DAPK1: variants seen among roughly 807,000 people sequenced by gnomAD.
The protein encoded by DAPK1 is death associated protein kinase 1.
Under a neutral mutation model 144.9 loss-of-function variants are expected in DAPK1, and 56 were observed. That is an observed-to-expected ratio of 0.39 (90% CI 0.31 to 0.48). DAPK1 has a LOEUF of 0.48. Among genes scored for constraint, DAPK1 ranks in the 20% least tolerant of loss-of-function variants. DAPK1 has a pLI of 0.95. For synonymous variants in DAPK1, 690 were observed against 749.0 expected, an observed-to-expected ratio of 0.92 and a Z score of 1.29; for missense variants, 1,454 against 1,875.4, an observed-to-expected ratio of 0.78 and a Z score of 4.15.
chr9:87,546,737 C>T (rs769432632), intron 2 of DAPK1, among the ~76,000 whole-genome samples: 1 of 152,176 alleles, frequency 6.6e-6, no homozygotes, highest in African/African-American at 2.4e-5. Context: ...TCTTGTATTC[C>T]GTTCTCCCTC....
At chr9:87,665,575 G>A (rs761839091) in intron 18 of DAPK1, among the ~76,000 whole-genome samples, 6 of 152,154 alleles carry the variant, frequency 3.9e-5, no homozygotes, top group East Asian at 1.9e-4. Context: ...GTTCCTTTGC[G>A]AAGCATATTA....
In DAPK1 at chr9:87,647,299, C is replaced by T; in HGVS notation, c.1231-6C>T. ...GAAATGTGACCCCAGGTTGATTTTC[C>T]TGCAGGGCGGGTCCAATGCCGTCTA... On this transcript the variant is annotated splice_region_variant and splice_polypyrimidine_tract_variant and intron_variant, in intron 13 of 25. Transcript: ENST00000408954. 1 of 1,613,682 alleles carries T rather than the reference C, an allele frequency of 6.2e-7. No individual in the cohort carries two copies. Among genetic ancestry groups the T allele is most frequent in the Non-Finnish European group, 8.5e-7 (1 of 1,179,658 alleles).
chr9:87,657,020 A>G (rs537972931), intron 17 of DAPK1, among the ~76,000 whole-genome samples: 2 of 152,328 alleles, frequency 1.3e-5, no homozygotes, highest in African/African-American at 4.8e-5. Flanking sequence ...ACTTTATAAC[A>G]AAAACTGATA....
intron 2 of DAPK1, among the ~76,000 whole-genome samples, chr9:87,514,344 C>T (rs868387431): frequency 2.0e-4 from 30 of 152,280 alleles, no homozygotes; most frequent in African/African-American, 5.1e-4. Context: ...CCCAGGAGTG[C>T]GTAGTTTCCT....
intron 18 of DAPK1, among the ~76,000 whole-genome samples, chr9:87,661,092 C>T (rs1488370689): frequency 6.6e-6 from 1 of 152,244 alleles, no homozygotes; most frequent in East Asian, 1.9e-4. Context: ...CCCACCTTGG[C>T]CTCCCAAAGT....
chr9:87,646,317 C>G, intron 12 of DAPK1, 144 bp from the exon 13 acceptor site: 3 of 668,510 alleles, frequency 4.5e-6, no homozygotes, highest in Non-Finnish European at 7.7e-6. Flanking sequence ...TTATACCCTT[C>G]CACCTGTCTT....
chr9:87,628,702 A>T (rs1829564810), intron 3 of DAPK1, among the ~76,000 whole-genome samples: 1 of 152,176 alleles, frequency 6.6e-6, no homozygotes, highest in African/African-American at 2.4e-5. Context: ...TCACTCCTTC[A>T]CGCTGTATAC....
At chr9:87,499,432 C>A in intron 2 of DAPK1, 1 of 435,168 alleles carries the variant, frequency 2.3e-6, no homozygotes, top group Non-Finnish European at 4.1e-6. Flanking sequence ...AGCCCTTGCC[C>A]TTCTGTGACA....
In DAPK1 at chr9:87,703,018, GC is replaced by G; in HGVS notation, c.2872-6del. On this transcript the variant is annotated splice_polypyrimidine_tract_variant and intron_variant, in intron 24 of 25. Coordinates refer to ENST00000408954, the MANE Select transcript of DAPK1 (RefSeq NM_004938.4). ...CAGGTGAGTTAACCTGTCTGGCCCTGCCCCCTCTAGGTCTGTCCTCCCATGA... is the reference window on the plus strand; with the variant it reads ...CAGGTGAGTTAACCTGTCTGGCCCTGCCCCTCTAGGTCTGTCCTCCCATGA... 1.4e-6 allele frequency: 2 copies of G among 1,457,572 alleles called. No individual in the cohort carries two copies. The highest frequency in any genetic ancestry group is 1.9e-6 in the Non-Finnish European group (2 of 1,038,606). 90.3% of individuals were successfully genotyped at this position (1,457,572 alleles called of 1,614,324 possible).
At chr9:87,607,480 C>T (rs1828771428) in intron 3 of DAPK1, among the ~76,000 whole-genome samples, 1 of 152,092 alleles carries the variant, frequency 6.6e-6, no homozygotes, top group Non-Finnish European at 1.5e-5. Flanking sequence ...TGCCTCTCTG[C>T]GTGTACATAT....
intron 3 of DAPK1, among the ~76,000 whole-genome samples, chr9:87,620,392 C>A (rs1829248850): frequency 3.9e-5 from 6 of 152,184 alleles, no homozygotes; most frequent in Admixed American, 3.9e-4. Flanking sequence ...TGCTCTATGC[C>A]TGTTAAAATT....
At chr9:87,531,635 C>T (rs1175931569) in intron 2 of DAPK1, among the ~76,000 whole-genome samples, 6 of 152,174 alleles carry the variant, frequency 3.9e-5, no homozygotes, top group Non-Finnish European at 4.4e-5. Flanking sequence ...AAACAGTCCT[C>T]TCCCCAGTGT....
chr9:87,618,794 G>T (rs1829188647), intron 3 of DAPK1, among the ~76,000 whole-genome samples: 1 of 152,196 alleles, frequency 6.6e-6, no homozygotes, highest in East Asian at 1.9e-4. Flanking sequence ...TGGACACAGG[G>T]CTTCTCTTGG....
chr9:87,685,096 A>G (rs544730157), intron 20 of DAPK1, among the ~76,000 whole-genome samples: 11 of 152,340 alleles, frequency 7.2e-5, no homozygotes, highest in Admixed American at 3.3e-4. Flanking sequence ...GCAGAGAAAT[A>G]CACTAAAATG....
chr9:87,662,283 A>G (rs1300991802), intron 18 of DAPK1, among the ~76,000 whole-genome samples: 1 of 152,142 alleles, frequency 6.6e-6, no homozygotes, highest in Admixed American at 6.5e-5. Flanking sequence ...CTTTTTGCTT[A>G]GGATTGCTTT....
chr9:87,523,040 G>T (rs1254790906), intron 2 of DAPK1, among the ~76,000 whole-genome samples: 1 of 151,782 alleles, frequency 6.6e-6, no homozygotes, highest in Non-Finnish European at 1.5e-5. Context: ...TTGTCTTTTG[G>T]CATTGTTTCT....
At chr9:87,505,939 C>T (rs10118756) in intron 2 of DAPK1, among the ~76,000 whole-genome samples, 2,226 of 152,284 alleles carry the variant, frequency 0.015, 50 homozygotes, top group African/African-American at 0.051. Context: ...CCGCCCGTCT[C>T]GGCCTCCCAA....
Position 87,527,790 on chromosome 9 carries a change from C to G in DAPK1, c.62+28651C>G, listed in dbSNP as rs74957219. Among the ~76,000 whole-genome samples the G allele has an allele frequency of 5.5e-3, 840 of 152,324 alleles. 11 individuals are homozygous for G. The highest frequency in any genetic ancestry group is 0.019 in the African/African-American group (802 of 41,578). ...TCCCAGGTGTTTATTTCACATCCTCCTCTTTTTGCAAGTGACATTTAAAAT... is the reference window on the plus strand; with the variant it reads ...TCCCAGGTGTTTATTTCACATCCTCGTCTTTTTGCAAGTGACATTTAAAAT... On this transcript the variant is annotated intron_variant, in intron 2 of 25. Transcript: ENST00000408954.
intron 2 of DAPK1, among the ~76,000 whole-genome samples, chr9:87,575,042 AC>A (rs1462864595): frequency 2.0e-5 from 3 of 151,662 alleles, no homozygotes; most frequent in Non-Finnish European, 2.9e-5. Flanking sequence ...ATATGGTGAA[AC>A]CCCATCTCTA....
Sources: gnomAD v4.1 joint callset for allele counts (sites outside exome capture counted in the v4.1 genomes callset) on GRCh38, gnomAD v4.1.1 for gene constraint, MANE v1.5 for transcripts, NCBI Gene and HGNC (gene_info 2026-07-23, HGNC 2026-07-21) for gene names.